The following POLK variants were observed in gnomAD, a reference collection of about 807,000 sequenced individuals.
POLK encodes polymerase (DNA directed) kappa.
In POLK, 76 loss-of-function variants were observed where a neutral mutation model predicts 94.0. That is an observed-to-expected ratio of 0.81 (90% confidence interval 0.67 to 0.98). The LOEUF (loss-of-function observed/expected upper bound fraction) is 0.98, where lower values mean the gene tolerates loss of function less well. POLK is among the 50% of genes least tolerant of loss of function. The probability of loss-of-function intolerance (pLI) is 0.00; values close to 1 mark genes in which losing one functional copy is unlikely to be tolerated. For missense variants in POLK, 954 were observed against 1,010.1 expected, an observed-to-expected ratio of 0.94 and a Z score of 0.75; for synonymous variants, 349 against 325.4, an observed-to-expected ratio of 1.07 and a Z score of -0.78.
intron 1 of POLK, among the ~76,000 whole-genome samples, chr5:75,544,305 C>G (rs148677098): frequency 6.6e-6 from 1 of 152,052 alleles, no homozygotes; most frequent in Non-Finnish European, 1.5e-5. Flanking sequence ...GAGGATCACT[C>G]GAGCCCAGGA....
rs545079903 is a variant in POLK, at chr5:75,540,255, C to G, written c.-13-6755C>G. 5.9e-5 allele frequency among the ~76,000 whole-genome samples: 9 copies of G among 151,868 alleles called. No individual in the cohort carries two copies. In the East Asian group the frequency reaches 1.7e-3, roughly 29 times the overall value. Reference sequence around the variant, plus strand: ...TCAATTTCTTATTTGTAGTGTAGCCCTATCCTATTATCCTGGCTTCTGTTG... The same window carrying G: ...TCAATTTCTTATTTGTAGTGTAGCCGTATCCTATTATCCTGGCTTCTGTTG... On this transcript the variant is annotated intron_variant, in intron 1 of 14. Coordinates refer to ENST00000241436, the Ensembl canonical transcript of POLK.
chr5:75,511,209 G>C, upstream of POLK: 1 of 1,612,908 alleles, frequency 6.2e-7, no homozygotes, highest in East Asian at 2.2e-5. Context: ...ATCCGACATG[G>C]AGGCTCGACA....
chr5:75,514,284 T>C (rs1487478240), intron 1 of POLK, among the ~76,000 whole-genome samples: 1 of 152,182 alleles, frequency 6.6e-6, no homozygotes, highest in Non-Finnish European at 1.5e-5. Context: ...ATATTTAAAA[T>C]TGTGTGTGAC....
At chr5:75,584,729 C>A in intron 8 of POLK, 31 bp from the exon 9 acceptor site, 1 of 1,253,456 alleles carries the variant, frequency 8.0e-7, no homozygotes, top group Non-Finnish European at 1.1e-6. Context: ...ACTTTAAAAT[C>A]TATTAATAAT....
intron 10 of POLK, among the ~76,000 whole-genome samples, chr5:75,589,135 C>CATATA: frequency 6.6e-6 from 1 of 152,146 alleles, no homozygotes; most frequent in African/African-American, 2.4e-5. Context: ...TACAGGGTTA[C>CATATA]TCACTGCATT....
chr5:75,564,921 T>C (rs1771187538), intron 3 of POLK, among the ~76,000 whole-genome samples: 1 of 152,212 alleles, frequency 6.6e-6, no homozygotes, highest in Admixed American at 6.5e-5. Context: ...ATTTGAGTGT[T>C]GGCGTTTCTT....
chr5:75,575,057 C>T (rs997520295), intron 5 of POLK, among the ~76,000 whole-genome samples: 15 of 152,234 alleles, frequency 9.9e-5, no homozygotes, highest in Middle Eastern at 6.8e-3. Flanking sequence ...AAATTTGAGC[C>T]GGATCTAGCT....
At chr5:75,552,426 T>A in intron 2 of POLK, 46 bp from the exon 3 acceptor site, 2 of 1,585,902 alleles carry the variant, frequency 1.3e-6, no homozygotes, top group Non-Finnish European at 1.7e-6. Context: ...CAGTGATGCT[T>A]TCCTTCAGAC....
intron 1 of POLK, among the ~76,000 whole-genome samples, chr5:75,527,966 C>T (rs1768954538): frequency 6.6e-6 from 1 of 152,058 alleles, no homozygotes; most frequent in African/African-American, 2.4e-5. Flanking sequence ...ACTGCACAGC[C>T]ATTAAAAATG....
At chr5:75,575,452 A>C (rs186459543) in intron 5 of POLK, among the ~76,000 whole-genome samples, 38 of 152,292 alleles carry the variant, frequency 2.5e-4, no homozygotes, top group African/African-American at 8.7e-4. Flanking sequence ...AAGTGCTGGG[A>C]TTACAGGCAT....
intron 10 of POLK, among the ~76,000 whole-genome samples, chr5:75,589,951 C>T (rs1033547684): frequency 6.6e-6 from 1 of 152,134 alleles, no homozygotes; most frequent in South Asian, 2.1e-4. Flanking sequence ...TCCATAAAAT[C>T]CATGTGCAGT....
At chr5:75,591,827 G>A (rs945966053) in intron 11 of POLK, among the ~76,000 whole-genome samples, 1 of 152,146 alleles carries the variant, frequency 6.6e-6, no homozygotes, top group Admixed American at 6.5e-5. Context: ...TTAGATCAGG[G>A]TTATGGATTT....
At chr5:75,575,636 G>A (rs1195428349) in intron 5 of POLK, among the ~76,000 whole-genome samples, 1 of 152,036 alleles carries the variant, frequency 6.6e-6, no homozygotes, top group Non-Finnish European at 1.5e-5. Flanking sequence ...ATCTTAGTTG[G>A]CTGCCAGTTA....
chr5:75,593,733 C>T, intron 11 of POLK, 145 bp from the exon 12 acceptor site: 1 of 479,718 alleles, frequency 2.1e-6, no homozygotes, highest in Non-Finnish European at 3.7e-6. Flanking sequence ...ATCTTAGCTA[C>T]TCAGGAGGCT....
At chr5:75,563,085 G>A (rs1289412205) in intron 3 of POLK, among the ~76,000 whole-genome samples, 1 of 152,078 alleles carries the variant, frequency 6.6e-6, no homozygotes, top group African/African-American at 2.4e-5. Flanking sequence ...TAGAAGGAAT[G>A]GTACCAGCTC....
At chr5:75,521,613 A>G (rs1219833342) in intron 1 of POLK, among the ~76,000 whole-genome samples, 1 of 152,122 alleles carries the variant, frequency 6.6e-6, no homozygotes, top group Admixed American at 6.5e-5. Flanking sequence ...TGCTTTGTCC[A>G]TTTGAGGAGA....
At chr5:75,594,924 G>A (rs531815554) in intron 12 of POLK, among the ~76,000 whole-genome samples, 1 of 152,254 alleles carries the variant, frequency 6.6e-6, no homozygotes, top group East Asian at 1.9e-4. Context: ...GAAAGATATA[G>A]CACACACTGA....
chr5:75,518,776 C>G (rs1383089483), intron 1 of POLK, among the ~76,000 whole-genome samples: 2 of 152,134 alleles, frequency 1.3e-5, no homozygotes, highest in African/African-American at 4.8e-5. Context: ...CTTGGTACTG[C>G]TACTTTTGCT....
chr5:75,561,225 A>G (rs1447474702), intron 3 of POLK, among the ~76,000 whole-genome samples: 1 of 152,216 alleles, frequency 6.6e-6, no homozygotes, highest in Admixed American at 6.5e-5. Flanking sequence ...GTGAGATGGT[A>G]TCTCATTGTG....
Sources: gnomAD v4.1 joint callset for allele counts (sites outside exome capture counted in the v4.1 genomes callset) on GRCh38, gnomAD v4.1.1 for gene constraint, MANE v1.5 for transcripts, NCBI Gene and HGNC (gene_info 2026-07-23, HGNC 2026-07-21) for gene names.